PKNOX2: variants seen among roughly 807,000 people sequenced by gnomAD.
PKNOX2 encodes homeobox protein PKNOX2.
A neutral mutation model predicts 53.1 loss-of-function variants in PKNOX2; 14 were observed. That is an observed-to-expected ratio of 0.26 (90% CI 0.17 to 0.41). PKNOX2 has a LOEUF of 0.41. Ranked by LOEUF, PKNOX2 falls within the 10% of genes least tolerant of loss-of-function variation. The pLI, the probability that PKNOX2 is intolerant of heterozygous loss-of-function variation, is 1.00. For missense variants in PKNOX2, 496 were observed against 602.8 expected (o/e 0.82, Z 1.85); for synonymous variants, 257 against 242.8 (o/e 1.06, Z -0.54).
At chr11:125,347,147 C>T (rs1951024137) in intron 3 of PKNOX2, among the ~76,000 whole-genome samples, 1 of 152,140 alleles carries the variant, frequency 6.6e-6, no homozygotes, top group Non-Finnish European at 1.5e-5. Flanking sequence ...CTTGTGCCAG[C>T]CATGGGCCCC....
intron 1 of PKNOX2, among the ~76,000 whole-genome samples, chr11:125,189,703 C>T (rs1956751954): frequency 6.6e-6 from 1 of 151,526 alleles, no homozygotes; most frequent in Non-Finnish European, 1.5e-5. Flanking sequence ...CTACTTTCAT[C>T]CTTCTTTCTC....
At chr11:125,408,417 A>G (rs1394558002) in intron 7 of PKNOX2, among the ~76,000 whole-genome samples, 1 of 152,238 alleles carries the variant, frequency 6.6e-6, no homozygotes, top group African/African-American at 2.4e-5. Flanking sequence ...CCAAGGTCAC[A>G]GCAGCAGAGG....
intron 10 of PKNOX2, 145 bp from the exon 11 acceptor site, chr11:125,428,867 A>T: frequency 1.4e-6 from 1 of 726,038 alleles, no homozygotes; most frequent in Non-Finnish European, 2.3e-6. Context: ...CTCTGTGGGG[A>T]GCAAACATGA....
intron 2 of PKNOX2, among the ~76,000 whole-genome samples, chr11:125,253,223 C>A (rs889149447): frequency 1.3e-5 from 2 of 152,326 alleles, no homozygotes; most frequent in South Asian, 2.1e-4. Flanking sequence ...AGGGCCTACT[C>A]TTGTCCCAGA....
At chr11:125,182,526 A>G (rs960338486) in intron 1 of PKNOX2, among the ~76,000 whole-genome samples, 11 of 152,222 alleles carry the variant, frequency 7.2e-5, no homozygotes, top group Admixed American at 1.3e-4. Flanking sequence ...GGGGACTGTA[A>G]TAACTATGTC....
chr11:125,253,681 C>T (rs990436389), intron 2 of PKNOX2, among the ~76,000 whole-genome samples: 2 of 152,316 alleles, frequency 1.3e-5, no homozygotes, highest in Non-Finnish European at 2.9e-5. Flanking sequence ...CTGGCTCACT[C>T]ATCTCTATCA....
At chr11:125,325,195 A>G (rs1318680936) in intron 2 of PKNOX2, among the ~76,000 whole-genome samples, 1 of 152,148 alleles carries the variant, frequency 6.6e-6, no homozygotes, top group African/African-American at 2.4e-5. Context: ...TGACTGGCCA[A>G]ACTCTGCCCA....
At chr11:125,248,950 A>G (rs956468710) in intron 2 of PKNOX2, among the ~76,000 whole-genome samples, 5 of 143,644 alleles carry the variant, frequency 3.5e-5, no homozygotes, top group African/African-American at 1.3e-4. Flanking sequence ...ACGTATATAC[A>G]TGTATATATA....
In PKNOX2 at chr11:125,422,404, G is replaced by A. The variant is rs1302260347; in HGVS notation, c.937-6608G>A. On this transcript the variant is annotated intron_variant, in intron 10 of 12. Coordinates refer to ENST00000298282, the MANE Select transcript of PKNOX2 (RefSeq NM_001382323.2). This position sits in a 1 kb window ranked among gnomAD's most constrained non-coding sequence, Gnocchi z 4.1. The stretch of plus-strand genomic sequence containing the variant: ...AGACTCCTGCCTGTGGGGTGAGAGT[G>A]TTTTCTCCACCCATCCTTCGCTGTA... Among the ~76,000 whole-genome samples, 1 of 152,158 alleles carries A rather than the reference G, an allele frequency of 6.6e-6. No homozygotes were observed. The highest frequency in any genetic ancestry group is 2.1e-4 in the South Asian group (1 of 4,832).
chr11:125,353,915 G>A (rs1392281478), intron 4 of PKNOX2, among the ~76,000 whole-genome samples: 1 of 152,156 alleles, frequency 6.6e-6, no homozygotes, highest in African/African-American at 2.4e-5. Context: ...AAGGAGCTAG[G>A]GCAGGGGTGG....
At chr11:125,410,164 A>T in intron 7 of PKNOX2, 32 bp from the exon 8 acceptor site, 1 of 1,611,926 alleles carries the variant, frequency 6.2e-7, no homozygotes, top group Non-Finnish European at 8.5e-7. Flanking sequence ...TCTCAGTGTC[A>T]TTGTCACAAA....
At chr11:125,225,944 C>G (rs1941644630) in intron 1 of PKNOX2, among the ~76,000 whole-genome samples, 3 of 152,152 alleles carry the variant, frequency 2.0e-5, no homozygotes, top group Admixed American at 2.0e-4. Context: ...ATGAGAAAAG[C>G]CCAGGGATCA....
intron 1 of PKNOX2, among the ~76,000 whole-genome samples, chr11:125,193,325 G>A (rs532537592): frequency 6.6e-6 from 1 of 152,292 alleles, no homozygotes; most frequent in East Asian, 1.9e-4. Context: ...CCTCTCTACC[G>A]AGGAATGCTG....
chr11:125,189,339 T>G (rs950191646), intron 1 of PKNOX2, among the ~76,000 whole-genome samples: 2 of 125,452 alleles, frequency 1.6e-5, no homozygotes, highest in Non-Finnish European at 3.5e-5. Context: ...AAGAGATACT[T>G]CTATTGAAAT....
intron 1 of PKNOX2, among the ~76,000 whole-genome samples, chr11:125,230,227 GC>G (rs1322775855): frequency 6.6e-6 from 1 of 152,250 alleles, no homozygotes; most frequent in African/African-American, 2.4e-5. Flanking sequence ...AGTGCTGGAT[GC>G]ATAAGAGTCT....
At chr11:125,318,310 GA>G (rs1949327583) in intron 2 of PKNOX2, among the ~76,000 whole-genome samples, 1 of 145,966 alleles carries the variant, frequency 6.9e-6, no homozygotes, top group African/African-American at 2.6e-5. Flanking sequence ...TAGTAGAGAC[GA>G]GGTTTTACCA....
At chr11:125,209,144 A>C (rs759704883) in intron 1 of PKNOX2, among the ~76,000 whole-genome samples, 7 of 152,136 alleles carry the variant, frequency 4.6e-5, no homozygotes, top group South Asian at 4.1e-4. Context: ...ATTACAAAGC[A>C]CTTCAAATCT....
chr11:125,216,807 T>C (rs1940555596), intron 1 of PKNOX2, among the ~76,000 whole-genome samples: 1 of 152,104 alleles, frequency 6.6e-6, no homozygotes, highest in African/African-American at 2.4e-5. Context: ...GTAACAGAGC[T>C]GGTACCACTG....
rs960384800 is a variant in PKNOX2 at position 125,165,723 on chromosome 11, G to T, written c.-201+947G>T. ...GATTGCTGGGGATCTTTGGTGAGGC[G>T]GGCGTAGGGGCCCGCGCGAGGCTTG... On this transcript the variant is annotated intron_variant, in intron 1 of 12. Coordinates refer to ENST00000298282, the MANE Select transcript of PKNOX2 (RefSeq NM_001382323.2). The surrounding 1 kb of genome is among the most constrained non-coding windows in gnomAD (Gnocchi z 4.5). Among the ~76,000 whole-genome samples, 4 of 152,202 alleles carry T rather than the reference G, an allele frequency of 2.6e-5. No homozygotes were observed. In the East Asian group the frequency reaches 7.7e-4, roughly 29 times the overall value.
Sources: gnomAD v4.1 joint callset for allele counts (sites outside exome capture counted in the v4.1 genomes callset) on GRCh38, gnomAD v4.1.1 for gene constraint, Gnocchi (gnomAD v3.1) non-coding constraint, MANE v1.5 for transcripts, NCBI Gene and HGNC (gene_info 2026-07-23, HGNC 2026-07-21) for gene names.